Variants in ZNF638 observed in about 807,000 individuals in gnomAD.
The protein encoded by ZNF638 is zinc finger protein 638.
Under a neutral mutation model 195.6 loss-of-function variants are expected in ZNF638, and 46 were observed. The observed-to-expected ratio is 0.24, with a 90% confidence interval of 0.19 to 0.30. The LOEUF is 0.30. ZNF638 is among the 10% of genes least tolerant of loss of function. The pLI, the probability that ZNF638 is intolerant of heterozygous loss-of-function variation, is 1.00. For missense variants in ZNF638, 2,440 were observed against 2,325.3 expected, an observed-to-expected ratio of 1.05 and a Z score of -1.01; for synonymous variants, 845 against 772.0, an observed-to-expected ratio of 1.09 and a Z score of -1.57.
chr2:71,422,723 G>T, intron 21 of ZNF638, 91 bp from the exon 22 acceptor site: 1 of 1,354,220 alleles, frequency 7.4e-7, no homozygotes, highest in Non-Finnish European at 9.9e-7. Flanking sequence ...GCATCAGCAG[G>T]ATTCTTTATA....
intron 23 of ZNF638, among the ~76,000 whole-genome samples, 197 bp downstream of exon 23, chr2:71,424,912 C>G (rs2080507187): frequency 6.6e-6 from 1 of 152,122 alleles, no homozygotes; most frequent in East Asian, 1.9e-4. Context: ...AGTCTAAACA[C>G]CTTGTGTTTT....
intron 10 of ZNF638, among the ~76,000 whole-genome samples, chr2:71,382,305 A>ATTT (rs760709261): frequency 1.3e-5 from 2 of 152,136 alleles, no homozygotes; most frequent in Admixed American, 1.3e-4. Context: ...ATACTTGGGA[A>ATTT]TTTTTTTAAG....
chr2:71,381,088 GT>G (rs2079527654), intron 10 of ZNF638, among the ~76,000 whole-genome samples: 1 of 152,088 alleles, frequency 6.6e-6, no homozygotes, highest in South Asian at 2.1e-4. Flanking sequence ...TTTGCATACA[GT>G]TTTATAATCC....
rs770980692 is a variant in ZNF638 at position 71,365,564 on chromosome 2, C to A, written c.1853C>A (p.Pro618Gln). ...QKPKTSSGTK[P>Q]SVKPTSATKS... is the part of the protein sequence containing the mutation. ...CCTAAAACTAGCAGTGGAACAAAAC[C>A]ATCAGTTAAACCTACAAGCGCTACA... Residue 618 changes from proline to glutamine, a missense_variant, in exon 6 of 28, where the codon CCA (proline) becomes CAA (glutamine). Pro to Gln is a moderately conservative substitution (Grantham distance 76). Transcript: ENST00000264447. 2 of 1,613,954 alleles carry A rather than the reference C, an allele frequency of 1.2e-6. No homozygotes were observed. Among genetic ancestry groups the A allele is most frequent in the African/African-American group, 2.7e-5 (2 of 74,892 alleles).
At position 71,423,110 on chromosome 2, in the gene ZNF638, C is replaced by T; in HGVS notation, c.3596C>T (p.Ala1199Val). 6.2e-7 allele frequency: 1 copy of T among 1,614,054 alleles called. No individual in the cohort carries two copies. Among genetic ancestry groups the T allele is most frequent in the Non-Finnish European group, 8.5e-7 (1 of 1,179,986 alleles). ...TTCACTGAAAATGCCGAGGAGTGTGCTTTAAATCAGCAGATGTTTAACAGT... is the reference window on the plus strand; with the variant it reads ...TTCACTGAAAATGCCGAGGAGTGTGTTTTAAATCAGCAGATGTTTAACAGT... ...EQFTENAEEC[A>V]LNQQMFNSDL... The change falls in exon 22 of 28, where the codon GCT (alanine) becomes GTT (valine). Residue 1199 changes from alanine (A) to valine (V), a missense_variant. Physicochemically the swap from Ala to Val is moderately conservative, Grantham distance 64. This residue lies in a region of ZNF638 where 1,883 missense variants were observed against 1,739.1 expected (regional missense o/e 1.08). Transcript: ENST00000264447.
intron 4 of ZNF638, among the ~76,000 whole-genome samples, 200 bp downstream of exon 4, chr2:71,363,391 C>A (rs1304880782): frequency 6.6e-6 from 1 of 152,090 alleles, no homozygotes; most frequent in East Asian, 1.9e-4. Flanking sequence ...TTAGCCTGTT[C>A]TGAAAATACT....
intron 20 of ZNF638, chr2:71,408,801 G>T (rs12466025): frequency 0.89 from 349,494 of 390,660 alleles, 156,578 homozygotes; most frequent in East Asian, 0.99. Context: ...GACCTTATAT[G>T]TGGTGTCCTT....
At chr2:71,341,422 G>C (rs982400204) in intron 1 of ZNF638, among the ~76,000 whole-genome samples, 1 of 152,120 alleles carries the variant, frequency 6.6e-6, no homozygotes, top group Non-Finnish European at 1.5e-5. Flanking sequence ...AGAGCAAATA[G>C]TATACTTCTA....
intron 2 of ZNF638, among the ~76,000 whole-genome samples, chr2:71,351,606 A>G (rs909585330): frequency 6.6e-6 from 1 of 152,228 alleles, no homozygotes; most frequent in Non-Finnish European, 1.5e-5. Context: ...CCAAGAAAAT[A>G]CATCTTTAAA....
chr2:71,393,756 TACCTGGGCAGGC>T (rs1199478080), intron 10 of ZNF638: 8 of 633,126 alleles, frequency 1.3e-5, no homozygotes, highest in Non-Finnish European at 2.0e-5. Context: ...TACGCCCTGT[TACCTGGGCAGGC>T]ACCCCCTTCC....
At chr2:71,414,105 T>C (rs1408487265) in intron 20 of ZNF638, among the ~76,000 whole-genome samples, 2 of 145,358 alleles carry the variant, frequency 1.4e-5, no homozygotes, top group African/African-American at 5.1e-5. Flanking sequence ...ATCCATCTGG[T>C]CCTGGACTCT....
At chr2:71,335,630 T>C (rs986353964) in intron 1 of ZNF638, among the ~76,000 whole-genome samples, 3 of 152,188 alleles carry the variant, frequency 2.0e-5, no homozygotes, top group African/African-American at 7.2e-5. Flanking sequence ...CATGTGCCTG[T>C]CCAGTTTCAA....
intron 10 of ZNF638, among the ~76,000 whole-genome samples, chr2:71,381,079 T>C (rs1390343452): frequency 1.3e-5 from 2 of 152,146 alleles, no homozygotes; most frequent in East Asian, 1.9e-4. Context: ...TAAATAAATT[T>C]TGCATACAGT....
At chr2:71,355,445 A>T (rs1467937354) in intron 2 of ZNF638, among the ~76,000 whole-genome samples, 1 of 152,100 alleles carries the variant, frequency 6.6e-6, no homozygotes, top group Non-Finnish European at 1.5e-5. Context: ...AAGTTTATAT[A>T]TTGATTTCAA....
chr2:71,335,948 G>T (rs1408658381), intron 1 of ZNF638, among the ~76,000 whole-genome samples: 2 of 152,104 alleles, frequency 1.3e-5, no homozygotes, highest in Non-Finnish European at 2.9e-5. Flanking sequence ...TAACTCTCAA[G>T]TCTATAAACT....
intron 6 of ZNF638, among the ~76,000 whole-genome samples, chr2:71,367,149 G>A (rs2079214698): frequency 6.6e-6 from 1 of 151,658 alleles, no homozygotes. Context: ...TTTGAGTATA[G>A]GGAAAATTTT....
chr2:71,408,413 T>A (rs2080147752), intron 20 of ZNF638, 166 bp downstream of exon 20: 4 of 886,228 alleles, frequency 4.5e-6, no homozygotes, highest in Non-Finnish European at 6.5e-6. Context: ...TATAAATTTG[T>A]CTAAATGAGA....
At chr2:71,341,857 C>G (rs1449573387) in intron 1 of ZNF638, 1 of 151,966 alleles carries the variant, frequency 6.6e-6, no homozygotes, top group Non-Finnish European at 1.5e-5. Context: ...CCAAATTTGC[C>G]TTTGTTTAGT....
Position 71,349,128 on chromosome 2 carries a change from T to A in ZNF638, c.174T>A (p.His58Gln), listed in dbSNP as rs762834819. The stretch of plus-strand genomic sequence containing the variant: ...GAATTCCACACAGATTTGCTGGCCA[T>A]GAATCTTATCAGAACATGGGGCCAC... Reference protein sequence around the residue: ...ARGIPHRFAGHESYQNMGPQR... With the variant: ...ARGIPHRFAGQESYQNMGPQR... The change falls in exon 2 of 28, where the codon CAT (histidine) becomes CAA (glutamine). Residue 58 changes from histidine (H) to glutamine (Q), a missense_variant. By Grantham distance (24) the His-to-Gln change is conservative. This residue lies in a region of ZNF638 where 191 missense variants were observed against 173.8 expected (regional missense o/e 1.10). Transcript: ENST00000264447. The A allele has an allele frequency of 6.2e-7, 1 of 1,614,162 alleles. No homozygotes were observed. Among genetic ancestry groups the A allele is most frequent in the Admixed American group, 1.7e-5 (1 of 60,018 alleles).
Sources: allele counts gnomAD v4.1 joint callset (sites outside exome capture counted in the v4.1 genomes callset), GRCh38; gene constraint gnomAD v4.1.1; regional missense constraint gnomAD v4.1.1; transcripts MANE v1.5; gene names NCBI Gene and HGNC (gene_info 2026-07-23, HGNC 2026-07-21).